Variants in MARCHF1 observed in about 807,000 individuals in gnomAD.
MARCHF1 encodes membrane associated ring-CH-type finger 1.
In MARCHF1, 40 loss-of-function variants were observed where a neutral mutation model predicts 54.2. The observed-to-expected ratio is 0.74, with a 90% CI of 0.57 to 0.96. The LOEUF is 0.96. Among genes scored for constraint, MARCHF1 ranks in the 40% least tolerant of loss-of-function variants. The pLI, the probability that MARCHF1 is intolerant of heterozygous loss-of-function variation, is 0.00. For missense variants in MARCHF1, 586 were observed against 656.5 expected (o/e 0.89, Z 1.17); for synonymous variants, 236 against 236.3 (o/e 1.00, Z 0.01).
intron 3 of MARCHF1, among the ~76,000 whole-genome samples, chr4:163,980,746 A>G (rs549189358): frequency 2.0e-5 from 3 of 152,344 alleles, no homozygotes; most frequent in African/African-American, 7.2e-5. Flanking sequence ...GTAAATGGTA[A>G]TATAGAAAGT....
intron 1 of MARCHF1, among the ~76,000 whole-genome samples, chr4:164,359,797 C>T (rs1730671704): frequency 6.6e-6 from 1 of 152,094 alleles, no homozygotes; most frequent in Non-Finnish European, 1.5e-5. Flanking sequence ...AAGTCCATCT[C>T]TCCAGTAAAC....
At chr4:164,199,681 C>CACACAGAGAGAGAGAG (rs1462208986) in intron 1 of MARCHF1, among the ~76,000 whole-genome samples, 12 of 47,652 alleles carry the variant, frequency 2.5e-4, no homozygotes, top group African/African-American at 1.0e-3. Context: ...CACACACACA[C>CACACAGAGAGAGAGAG]AGAGAGAGAG....
chr4:163,969,499 A>G (rs1292972525), intron 3 of MARCHF1, among the ~76,000 whole-genome samples: 1 of 152,218 alleles, frequency 6.6e-6, no homozygotes, highest in African/African-American at 2.4e-5. Flanking sequence ...ATATTTTTTA[A>G]CATGGTTTCC....
At chr4:164,364,092 AAAG>A (rs1730805504) in intron 1 of MARCHF1, among the ~76,000 whole-genome samples, 1 of 152,126 alleles carries the variant, frequency 6.6e-6, no homozygotes, top group South Asian at 2.1e-4. Context: ...CTTATTTATC[AAAG>A]AAGGGAAGGG....
chr4:163,704,939 AT>A (rs1561029077), intron 4 of MARCHF1, among the ~76,000 whole-genome samples: 1 of 151,692 alleles, frequency 6.6e-6, no homozygotes, highest in Non-Finnish European at 1.5e-5. Flanking sequence ...AACAAAAAAA[AT>A]GATATCAGAA....
At chr4:163,719,226 T>C (rs1441932029) in intron 4 of MARCHF1, among the ~76,000 whole-genome samples, 1 of 146,472 alleles carries the variant, frequency 6.8e-6, no homozygotes, top group African/African-American at 2.5e-5. Context: ...TTCCCCTTCC[T>C]ATGTCCAAGT....
At chr4:163,919,026 T>C (rs1489489465) in intron 3 of MARCHF1, among the ~76,000 whole-genome samples, 1 of 152,116 alleles carries the variant, frequency 6.6e-6, no homozygotes, top group Non-Finnish European at 1.5e-5. Flanking sequence ...GACAAGACCA[T>C]AAGCATTTCT....
At chr4:163,627,112 A>G (rs1741899244) in intron 5 of MARCHF1, among the ~76,000 whole-genome samples, 1 of 152,212 alleles carries the variant, frequency 6.6e-6, no homozygotes, top group African/African-American at 2.4e-5. Flanking sequence ...CCCTCATCTG[A>G]TACTATTATC....
chr4:163,836,674 G>A (rs1230108939), intron 4 of MARCHF1, among the ~76,000 whole-genome samples: 1 of 147,288 alleles, frequency 6.8e-6, no homozygotes, highest in African/African-American at 2.5e-5. Flanking sequence ...AGGAAACAGA[G>A]GGTCCATCTG....
At chr4:163,751,598 T>C (rs1185519371) in intron 4 of MARCHF1, among the ~76,000 whole-genome samples, 1 of 139,994 alleles carries the variant, frequency 7.1e-6, no homozygotes, top group Non-Finnish European at 1.6e-5. Context: ...AATTATAATA[T>C]ATGACCTAGA....
At chr4:163,904,857 T>A (rs1228375481) in intron 3 of MARCHF1, among the ~76,000 whole-genome samples, 1 of 152,016 alleles carries the variant, frequency 6.6e-6, no homozygotes, top group Non-Finnish European at 1.5e-5. Flanking sequence ...TAACTGTGAA[T>A]CTCCTAATTC....
chr4:163,955,890 C>G (rs967496191), intron 3 of MARCHF1, among the ~76,000 whole-genome samples: 2 of 151,958 alleles, frequency 1.3e-5, no homozygotes, highest in East Asian at 3.9e-4. Flanking sequence ...GTATTTTGAA[C>G]ACAGATGCTA....
intron 1 of MARCHF1, among the ~76,000 whole-genome samples, chr4:164,293,330 T>C (rs1734328837): frequency 1.3e-5 from 2 of 152,172 alleles, no homozygotes; most frequent in African/African-American, 2.4e-5. Context: ...TTGCCAGCTA[T>C]TCAGACCATC....
intron 4 of MARCHF1, among the ~76,000 whole-genome samples, chr4:163,835,472 A>C (rs988993454): frequency 6.6e-6 from 1 of 152,198 alleles, no homozygotes; most frequent in African/African-American, 2.4e-5. Context: ...AACTTGTGCC[A>C]ATCTCCAGGT....
intron 3 of MARCHF1, among the ~76,000 whole-genome samples, chr4:163,970,438 C>T (rs904846891): frequency 6.6e-6 from 1 of 152,064 alleles, no homozygotes; most frequent in Non-Finnish European, 1.5e-5. Context: ...ATAGTAAGTA[C>T]TCAATAAATG....
intron 2 of MARCHF1, among the ~76,000 whole-genome samples, chr4:163,997,391 G>A (rs769709046): frequency 2.0e-5 from 3 of 151,900 alleles, no homozygotes; most frequent in Non-Finnish European, 4.4e-5. Context: ...ACAGTTAGAG[G>A]TCCATCTGAG....
At chr4:163,701,391 GTA>G (rs1428080581) in intron 4 of MARCHF1, among the ~76,000 whole-genome samples, 2 of 151,988 alleles carry the variant, frequency 1.3e-5, no homozygotes, top group African/African-American at 4.8e-5. Flanking sequence ...GCTTCTGACT[GTA>G]TATGTTTCAA....
At chr4:163,756,629 C>CT in intron 4 of MARCHF1, among the ~76,000 whole-genome samples, 1 of 28,756 alleles carries the variant, frequency 3.5e-5, no homozygotes, top group Non-Finnish European at 6.2e-5. Flanking sequence ...GAGACTCTGT[C>CT]TCAAAAAAAA....
At chr4:163,531,354 T>G (rs2110863349) in intron 9 of MARCHF1, among the ~76,000 whole-genome samples, 1 of 151,920 alleles carries the variant, frequency 6.6e-6, no homozygotes, top group Middle Eastern at 3.4e-3. Flanking sequence ...ATCACATCAA[T>G]TAGCTAAAGA....
Sources: allele counts gnomAD v4.1 joint callset (sites outside exome capture counted in the v4.1 genomes callset), GRCh38; gene constraint gnomAD v4.1.1; transcripts MANE v1.5; gene names NCBI Gene and HGNC (gene_info 2026-07-23, HGNC 2026-07-21).